Variants in DDHD1 observed in about 807,000 individuals in gnomAD.
DDHD1 encodes phospholipase DDHD1.
A neutral mutation model predicts 96.4 loss-of-function variants in DDHD1; 49 were observed. That is an observed-to-expected ratio of 0.51 (90% CI 0.40 to 0.64). The LOEUF is 0.64. DDHD1 is among the 30% of genes least tolerant of loss of function. The probability of loss-of-function intolerance (pLI) is 0.00; values close to 1 mark genes in which losing one functional copy is unlikely to be tolerated. For missense variants in DDHD1, 1,106 were observed against 1,161.2 expected (o/e 0.95, Z 0.69); for synonymous variants, 442 against 446.5 (o/e 0.99, Z 0.13).
rs1004015434 is a variant in DDHD1 at position 53,091,907 on chromosome 14, A to G, written c.1167T>C (p.His389=). 3.1e-6 allele frequency: 5 copies of G among 1,612,086 alleles called. No homozygotes were observed. Among genetic ancestry groups the G allele is most frequent in the Non-Finnish European group, 4.2e-6 (5 of 1,178,742 alleles). The change falls in exon 4 of 13, where the codon CAT becomes CAC. Residue 389 remains histidine (H), a synonymous_variant. Coordinates refer to ENST00000673822, the MANE Select transcript of DDHD1 (RefSeq NM_001160148.2). ...SKASSSGTRL[H]RGYVEEATLE... ...ATGTGGCTTCTTCTACATAACCTCT[A>G]TGAAGTCTGGTACCACTACTTGATG...
At chr14:53,060,025 A>G (rs181416931) in intron 8 of DDHD1, among the ~76,000 whole-genome samples, 319 of 152,178 alleles carry the variant, frequency 2.1e-3, no homozygotes, top group African/African-American at 7.4e-3. Flanking sequence ...TTAAAAAAAC[A>G]CTTTGTAAGT....
intron 1 of DDHD1, among the ~76,000 whole-genome samples, chr14:53,138,476 T>C (rs1566601647): frequency 6.6e-6 from 1 of 152,192 alleles, no homozygotes; most frequent in Non-Finnish European, 1.5e-5. Context: ...TTATAATGAT[T>C]GTATTTTGGT....
chr14:53,042,730 G>T lies in DDHD1; in HGVS notation c.*4038C>A, dbSNP rs1284514291. 6.6e-6 allele frequency: 1 copy of T among 152,198 alleles called. No individual in the cohort carries two copies. Among genetic ancestry groups the T allele is most frequent in the Admixed American group, 6.5e-5 (1 of 15,282 alleles). The allele number at this position is 152,198 out of a possible 1,614,324, so 9.4% of individuals were successfully genotyped here. The stretch of plus-strand genomic sequence containing the variant: ...GGCTTGAGGCACAGGAATGACAGCG[G>T]AATACAGATAAGGGATAGAAAACTT... On this transcript the variant is annotated 3_prime_UTR_variant, in exon 13 of 13. Transcript: ENST00000673822.
chr14:53,083,748 T>C (rs1406629958), intron 4 of DDHD1, among the ~76,000 whole-genome samples: 1 of 152,218 alleles, frequency 6.6e-6, no homozygotes, highest in East Asian at 1.9e-4. Context: ...AGCAGGGAAA[T>C]GGTAAGAAAT....
At chr14:53,086,972 CAAAAAAAAAA>C (rs60569444) in intron 4 of DDHD1, among the ~76,000 whole-genome samples, 1 of 52,208 alleles carries the variant, frequency 1.9e-5, no homozygotes, top group African/African-American at 7.2e-5. Flanking sequence ...AAATGAAAAG[CAAAAAAAAAA>C]AAAAAAAAAA....
chr14:53,077,473 T>C (rs1049963093), intron 4 of DDHD1, among the ~76,000 whole-genome samples: 15 of 152,164 alleles, frequency 9.9e-5, no homozygotes, highest in Non-Finnish European at 1.9e-4. Flanking sequence ...AATTCTTCCC[T>C]TTATTAACAG....
chr14:53,104,628 A>G (rs1887551400), intron 1 of DDHD1, among the ~76,000 whole-genome samples: 1 of 152,150 alleles, frequency 6.6e-6, no homozygotes, highest in Non-Finnish European at 1.5e-5. Flanking sequence ...TTAGGGAAAA[A>G]AAATCAAGAA....
rs148020486 is a variant in DDHD1 at position 53,114,930 on chromosome 14, A to T, written c.839-11074T>A. Among the ~76,000 whole-genome samples, 386 of 152,304 alleles carry T rather than the reference A, an allele frequency of 2.5e-3. 2 individuals are homozygous for T. Among genetic ancestry groups the T allele is most frequent in the African/African-American group, 9.0e-3 (374 of 41,572 alleles). On this transcript the variant is annotated intron_variant, in intron 1 of 12. Coordinates refer to ENST00000673822, the MANE Select transcript of DDHD1 (RefSeq NM_001160148.2). ...AGGTGGGTAATAACAAACTCCTCTG[A>T]GCTAAAGGAGCATGTCCTAACCCAA...
chr14:53,063,356 G>T, intron 6 of DDHD1, 151 bp from the exon 7 acceptor site: 2 of 918,086 alleles, frequency 2.2e-6, no homozygotes, highest in Non-Finnish European at 1.6e-6. Context: ...TCAAAATCTT[G>T]CAGGAATGAA....
At chr14:53,142,121 T>A (rs1362256433) in intron 1 of DDHD1, among the ~76,000 whole-genome samples, 2 of 152,096 alleles carry the variant, frequency 1.3e-5, no homozygotes, top group Non-Finnish European at 2.9e-5. Flanking sequence ...AAAGGAGAAA[T>A]AAATTAGGCC....
At chr14:53,074,179 T>C (rs996769100) in intron 4 of DDHD1, among the ~76,000 whole-genome samples, 4 of 152,028 alleles carry the variant, frequency 2.6e-5, no homozygotes, top group African/African-American at 4.8e-5. Flanking sequence ...TAGCAAGTCA[T>C]GCCCTATCTT....
intron 1 of DDHD1, among the ~76,000 whole-genome samples, chr14:53,110,043 A>C (rs1048857025): frequency 2.0e-5 from 3 of 152,238 alleles, no homozygotes; most frequent in African/African-American, 7.2e-5. Context: ...TTCCACCTGC[A>C]TTCCCTATCA....
At chr14:53,137,713 C>T (rs1244545877) in intron 1 of DDHD1, among the ~76,000 whole-genome samples, 2 of 152,038 alleles carry the variant, frequency 1.3e-5, no homozygotes, top group African/African-American at 2.4e-5. Context: ...TAGTAGGAAT[C>T]CAAGATAAGG....
In DDHD1 at chr14:53,146,495, CA is replaced by C. The variant is rs11399058; in HGVS notation, c.838+5765del. On this transcript the variant is annotated intron_variant, in intron 1 of 12. Coordinates refer to ENST00000673822, the MANE Select transcript of DDHD1 (RefSeq NM_001160148.2). ...CTTCATCCAGGGCAACAGAGCATCT[CA>C]AAAAAAAAAAAAAAATTAATGAATG... Among the ~76,000 whole-genome samples the C allele has an allele frequency of 4.1e-3, 563 of 137,610 alleles. 5 individuals are homozygous for C. The highest frequency in any genetic ancestry group is 0.013 in the African/African-American group (496 of 37,158). The allele number at this position is 137,610 out of a possible 152,430, so 90.3% of individuals were successfully genotyped here. A position where few individuals can be genotyped will look rare whatever the true frequency, so the allele number is the denominator to read the frequency against.
chr14:53,115,350 A>G (rs141876789), intron 1 of DDHD1, among the ~76,000 whole-genome samples: 32 of 152,326 alleles, frequency 2.1e-4, no homozygotes, highest in African/African-American at 7.7e-4. Context: ...AGGCAGGCCA[A>G]CATTCAAATT....
At chr14:53,093,198 C>A in intron 3 of DDHD1, 118 bp downstream of exon 3, 1 of 1,017,304 alleles carries the variant, frequency 9.8e-7, no homozygotes, top group Non-Finnish European at 1.3e-6. Context: ...AGGAATCTGT[C>A]ACTAAATTTA....
chr14:53,094,843 C>A (rs200058919), intron 2 of DDHD1, among the ~76,000 whole-genome samples: 268 of 141,166 alleles, frequency 1.9e-3, no homozygotes, highest in Middle Eastern at 3.6e-3. Flanking sequence ...GATCCTGTCT[C>A]AAAAAAAAAA....
At chr14:53,068,391 CA>C (rs1884229593) in intron 6 of DDHD1, among the ~76,000 whole-genome samples, 1 of 151,732 alleles carries the variant, frequency 6.6e-6, no homozygotes, top group African/African-American at 2.4e-5. Flanking sequence ...GACTACAGCC[CA>C]AACCACCATA....
At chr14:53,051,381 T>G (rs1402680127) in intron 12 of DDHD1, among the ~76,000 whole-genome samples, 1 of 152,072 alleles carries the variant, frequency 6.6e-6, no homozygotes, top group South Asian at 2.1e-4. Flanking sequence ...TAAACTACAT[T>G]AAATATCTGT....
Sources: allele counts gnomAD v4.1 joint callset (sites outside exome capture counted in the v4.1 genomes callset), GRCh38; gene constraint gnomAD v4.1.1; transcripts MANE v1.5; gene names NCBI Gene and HGNC (gene_info 2026-07-23, HGNC 2026-07-21).